The following PATJ variants were observed in gnomAD, a reference collection of about 807,000 sequenced individuals.
The protein encoded by PATJ is PATJ crumbs cell polarity complex component, also known as inaD-like protein.
A neutral mutation model predicts 224.9 loss-of-function variants in PATJ; 190 were observed. The ratio of observed to expected loss-of-function variants is 0.84; its 90% CI spans 0.75 to 0.95. PATJ has a LOEUF of 0.95. Among genes scored for constraint, PATJ ranks in the 40% least tolerant of loss-of-function variants. The pLI, the probability that PATJ is intolerant of heterozygous loss-of-function variation, is 0.00. For synonymous variants in PATJ, 769 were observed against 820.3 expected, an observed-to-expected ratio of 0.94 and a Z score of 1.07; for missense variants, 2,121 against 2,270.3, an observed-to-expected ratio of 0.93 and a Z score of 1.34.
intron 25 of PATJ, among the ~76,000 whole-genome samples, chr1:61,913,889 A>G (rs771072109): frequency 3.3e-4 from 50 of 152,246 alleles, no homozygotes; most frequent in Non-Finnish European, 6.2e-4. Flanking sequence ...GATCACCCCT[A>G]AAACTCTATC....
At chr1:61,884,164 A>G (rs151229999) in intron 21 of PATJ, 73 bp from the exon 22 acceptor site, 89 of 1,175,274 alleles carry the variant, frequency 7.6e-5, no homozygotes, top group Non-Finnish European at 1.0e-4. Context: ...GTAGGTGCCC[A>G]TACCTAGTTG....
Position 61,760,163 on chromosome 1 carries a change from T to C in PATJ, c.-35-2695T>C, listed in dbSNP as rs116224322. On this transcript the variant is annotated intron_variant, in intron 1 of 43. Transcript: ENST00000642238. ...CTGGGTAGTTGTAAGAGTTGTACAG[T>C]TGAGATGCTGAGCACATCAGAAGTG... 9.6e-4 allele frequency among the ~76,000 whole-genome samples: 147 copies of C among 152,344 alleles called. 1 individual carries two copies. The highest frequency in any genetic ancestry group is 3.3e-3 in the African/African-American group (138 of 41,584).
At position 61,787,711 on chromosome 1, in the gene PATJ, T is replaced by C. The variant is rs759495808; in HGVS notation, c.850-43T>C. On this transcript the variant is annotated intron_variant, in intron 7 of 43. Transcript: ENST00000642238. ...ATGAATTGTTATTAACCAGTGAAGT[T>C]ACAGCATTTATTTCTCAAAATAATT... 4 of 1,450,210 alleles carry C rather than the reference T, an allele frequency of 2.8e-6. No homozygotes were observed. In the African/African-American group the frequency reaches 4.2e-5, roughly 15 times the overall value. The allele number at this position is 1,450,210 out of a possible 1,614,324, so 89.8% of individuals were successfully genotyped here. A position where few individuals can be genotyped will look rare whatever the true frequency, so the allele number is the denominator to read the frequency against.
rs191455096 is a variant in PATJ, at chr1:61,869,353, G to A, written c.2835+4720G>A. Among the ~76,000 whole-genome samples the A allele has an allele frequency of 4.7e-3, 709 of 152,050 alleles. 4 individuals carry two copies. Among genetic ancestry groups the A allele is most frequent in the Admixed American group, 6.7e-3 (102 of 15,276 alleles). On this transcript the variant is annotated intron_variant, in intron 20 of 43. Coordinates refer to ENST00000642238, the MANE Select transcript of PATJ (RefSeq NM_001350145.3). ...GATCTCCTGACCTCGTGATCCGCCC[G>A]CCTCGGCCTCCCAAAGTTAACATTT...
At chr1:61,813,054 C>G (rs979172547) in intron 14 of PATJ, among the ~76,000 whole-genome samples, 3 of 151,766 alleles carry the variant, frequency 2.0e-5, no homozygotes, top group African/African-American at 7.3e-5. Context: ...CAGGATATGT[C>G]CTTTCAGGGA....
Position 62,064,793 on chromosome 1 carries a change from A to G in PATJ, c.4125+13735A>G, listed in dbSNP as rs1014489248. ...ATCTTGAACTGTATGCTTAAAATCAATTTTTACCCCCAATTTGCACTCTAT... is the reference window on the plus strand; with the variant it reads ...ATCTTGAACTGTATGCTTAAAATCAGTTTTTACCCCCAATTTGCACTCTAT... On this transcript the variant is annotated intron_variant, in intron 31 of 43. Coordinates refer to ENST00000642238, the MANE Select transcript of PATJ (RefSeq NM_001350145.3). Among the ~76,000 whole-genome samples, 6 of 152,164 alleles carry G rather than the reference A, an allele frequency of 3.9e-5. No homozygotes were observed. The South Asian group carries it at 6.2e-4, about 16-fold the overall frequency.
chr1:62,068,220 T>G (rs1656805526), intron 31 of PATJ, among the ~76,000 whole-genome samples: 1 of 152,242 alleles, frequency 6.6e-6, no homozygotes, highest in Non-Finnish European at 1.5e-5. Flanking sequence ...GGCTCCACCC[T>G]GTTTCAATTA....
intron 41 of PATJ, among the ~76,000 whole-genome samples, chr1:62,136,809 A>G (rs1666952187): frequency 2.0e-5 from 3 of 151,844 alleles, no homozygotes; most frequent in South Asian, 2.1e-4. Flanking sequence ...GGCTCAAGCA[A>G]TCCTCCAACC....
chr1:62,085,956 G>A (rs1659918586), intron 33 of PATJ, among the ~76,000 whole-genome samples: 1 of 151,536 alleles, frequency 6.6e-6, no homozygotes, highest in Admixed American at 6.6e-5. Flanking sequence ...TGTTTCCTGG[G>A]ATGATTGACT....
At chr1:62,137,705 G>C (rs1667094015) in intron 41 of PATJ, among the ~76,000 whole-genome samples, 1 of 149,930 alleles carries the variant, frequency 6.7e-6, no homozygotes, top group Non-Finnish European at 1.5e-5. Flanking sequence ...GGGGAACACA[G>C]ATTGAGAGGG....
intron 37 of PATJ, among the ~76,000 whole-genome samples, chr1:62,119,403 T>C (rs1227081095): frequency 2.0e-5 from 3 of 152,192 alleles, no homozygotes; most frequent in Admixed American, 2.0e-4. Flanking sequence ...TCTGAGCAGT[T>C]ACAAAATAGG....
chr1:62,111,756 G>A (rs1663845448), intron 34 of PATJ, among the ~76,000 whole-genome samples: 1 of 151,668 alleles, frequency 6.6e-6, no homozygotes, highest in African/African-American at 2.4e-5. Context: ...CGCCTCCCAG[G>A]TTCAAGCAAT....
chr1:61,783,109 C>G (rs760490879), intron 7 of PATJ, among the ~76,000 whole-genome samples: 4 of 152,250 alleles, frequency 2.6e-5, no homozygotes, highest in Non-Finnish European at 5.9e-5. Flanking sequence ...AAGGAAGGCC[C>G]AGCTTGAGGT....
intron 17 of PATJ, among the ~76,000 whole-genome samples, chr1:61,841,446 G>T (rs984296388): frequency 1.3e-5 from 2 of 152,100 alleles, no homozygotes; most frequent in Non-Finnish European, 2.9e-5. Context: ...ATATAGAGTG[G>T]TAACACTATA....
At chr1:61,801,831 TTTATAG>T (rs2148587915) in intron 12 of PATJ, 62 bp downstream of exon 12, 2 of 1,225,704 alleles carry the variant, frequency 1.6e-6, no homozygotes, top group East Asian at 5.0e-5. Flanking sequence ...ATTTTCTGTC[TTTATAG>T]TTAATATAGT....
At position 61,958,430 on chromosome 1, in the gene PATJ, A is replaced by C. The variant is rs192447255; in HGVS notation, c.3670+30601A>C. Among the ~76,000 whole-genome samples, 749 of 152,334 alleles carry C rather than the reference A, an allele frequency of 4.9e-3. 5 individuals are homozygous for C. Among genetic ancestry groups the C allele is most frequent in the African/African-American group, 0.017 (724 of 41,584 alleles). On this transcript the variant is annotated intron_variant, in intron 27 of 43. Transcript: ENST00000642238. ...TTAGATAAGAATACTTTAGTATAGA[A>C]TATCATTATATTATATTATTCCCTA... is the stretch of plus-strand genomic sequence containing the variant.
chr1:61,779,016 A>G (rs528893050), intron 7 of PATJ, among the ~76,000 whole-genome samples: 15 of 150,490 alleles, frequency 1.0e-4, no homozygotes, highest in African/African-American at 3.7e-4. Flanking sequence ...TTTGTTTTGG[A>G]AAATATAGCT....
intron 16 of PATJ, among the ~76,000 whole-genome samples, chr1:61,829,515 A>G (rs189369051): frequency 2.2e-4 from 34 of 152,360 alleles, no homozygotes; most frequent in Non-Finnish European, 1.6e-4. Context: ...ATGGTGAACA[A>G]CAGCTTTGAA....
intron 27 of PATJ, among the ~76,000 whole-genome samples, chr1:61,932,590 G>T (rs112327257): frequency 6.6e-6 from 1 of 152,174 alleles, no homozygotes; most frequent in Admixed American, 6.5e-5. Flanking sequence ...AGAAGAGAAA[G>T]AGGACGCTTG....
Sources: allele counts gnomAD v4.1 joint callset (sites outside exome capture counted in the v4.1 genomes callset), GRCh38; gene constraint gnomAD v4.1.1; transcripts MANE v1.5; gene names NCBI Gene and HGNC (gene_info 2026-07-23, HGNC 2026-07-21).